The following HCRTR2 variants were observed in gnomAD, a reference collection of about 807,000 sequenced individuals.
The protein encoded by HCRTR2 is orexin receptor type 2.
HCRTR2 carries 22 observed loss-of-function variants against 49.0 expected under a neutral mutation model. The ratio of observed to expected loss-of-function variants is 0.45; its 90% confidence interval spans 0.32 to 0.64. The LOEUF (loss-of-function observed/expected upper bound fraction) is 0.64, where lower values mean the gene tolerates loss of function less well. Among genes scored for constraint, HCRTR2 ranks in the 30% least tolerant of loss-of-function variants. HCRTR2 has a pLI of 0.04. For missense variants in HCRTR2, 491 were observed against 559.4 expected, an observed-to-expected ratio of 0.88 and a Z score of 1.23; for synonymous variants, 236 against 205.3, an observed-to-expected ratio of 1.15 and a Z score of -1.28.
At chr6:55,185,072 C>G (rs1765194691) in intron 1 of HCRTR2, among the ~76,000 whole-genome samples, 1 of 152,054 alleles carries the variant, frequency 6.6e-6, no homozygotes, top group South Asian at 2.1e-4. Flanking sequence ...GCTTAAGAAA[C>G]CATTTTGTTA....
chr6:55,211,406 C>G (rs1765694035), intron 1 of HCRTR2, among the ~76,000 whole-genome samples: 1 of 152,134 alleles, frequency 6.6e-6, no homozygotes, highest in Non-Finnish European at 1.5e-5. Context: ...ACTGTTAAGG[C>G]AACTTGGAAT....
At chr6:55,240,467 C>T (rs1454952119) in intron 1 of HCRTR2, among the ~76,000 whole-genome samples, 2 of 151,880 alleles carry the variant, frequency 1.3e-5, no homozygotes, top group Non-Finnish European at 2.9e-5. Flanking sequence ...GTCCTCCATC[C>T]GTCAGCGTTG....
chr6:55,280,193 C>CCTTG (rs1767161508), intron 5 of HCRTR2, 130 bp from the exon 6 acceptor site: 1 of 671,312 alleles, frequency 1.5e-6, no homozygotes, highest in African/African-American at 1.8e-5. Context: ...ATTATGGGGT[C>CCTTG]AGAAACCAAT....
chr6:55,266,926 C>A (rs1766870989), intron 4 of HCRTR2, among the ~76,000 whole-genome samples: 1 of 152,194 alleles, frequency 6.6e-6, no homozygotes, highest in South Asian at 2.1e-4. Context: ...CATAAATAAT[C>A]CACATTCTTT....
chr6:55,183,201 T>G (rs1273419968), intron 1 of HCRTR2, among the ~76,000 whole-genome samples: 1 of 152,168 alleles, frequency 6.6e-6, no homozygotes, highest in Non-Finnish European at 1.5e-5. Context: ...TTGCACAGAA[T>G]GTAGTGGAAG....
At chr6:55,229,529 C>T (rs1766074434) in intron 1 of HCRTR2, among the ~76,000 whole-genome samples, 1 of 152,136 alleles carries the variant, frequency 6.6e-6, no homozygotes, top group African/African-American at 2.4e-5. Context: ...ATGGTCTACA[C>T]ATACAATGGA....
chr6:55,201,527 G>C (rs997465513), intron 1 of HCRTR2, among the ~76,000 whole-genome samples: 1 of 152,062 alleles, frequency 6.6e-6, no homozygotes, highest in Non-Finnish European at 1.5e-5. Context: ...AAAAAACTAA[G>C]GGATTTTTTC....
intron 1 of HCRTR2, among the ~76,000 whole-genome samples, chr6:55,202,747 A>C (rs895493647): frequency 2.5e-4 from 24 of 94,154 alleles, no homozygotes; most frequent in African/African-American, 1.2e-3. Flanking sequence ...ATTAGGGATT[A>C]GGTTTCAACA....
intron 1 of HCRTR2, among the ~76,000 whole-genome samples, chr6:55,214,599 C>T (rs1293517185): frequency 2.6e-5 from 4 of 151,842 alleles, no homozygotes; most frequent in African/African-American, 7.3e-5. Flanking sequence ...ACTCAGCCTC[C>T]CAAATCATTG....
intron 1 of HCRTR2, among the ~76,000 whole-genome samples, chr6:55,119,953 T>C (rs747013647): frequency 6.6e-6 from 1 of 152,082 alleles, no homozygotes; most frequent in East Asian, 1.9e-4. Context: ...TTGTATAAGG[T>C]ATAAGGAAGG....
At chr6:55,149,775 T>C (rs1190708842) in intron 1 of HCRTR2, among the ~76,000 whole-genome samples, 1 of 152,048 alleles carries the variant, frequency 6.6e-6, no homozygotes, top group Non-Finnish European at 1.5e-5. Flanking sequence ...TACATCTGTA[T>C]AAAATGTGAA....
intron 1 of HCRTR2, among the ~76,000 whole-genome samples, chr6:55,109,005 C>T (rs1038253801): frequency 1.8e-4 from 27 of 152,218 alleles, no homozygotes; most frequent in African/African-American, 4.3e-4. Context: ...CACTCCCCTC[C>T]TGCTACCTCC....
chr6:55,225,621 A>G (rs1765989818), intron 1 of HCRTR2, among the ~76,000 whole-genome samples: 1 of 152,208 alleles, frequency 6.6e-6, no homozygotes, highest in African/African-American at 2.4e-5. Context: ...TCATTCATTC[A>G]ACAATAATCA....
At chr6:55,188,570 T>G (rs1486485984) in intron 1 of HCRTR2, among the ~76,000 whole-genome samples, 1 of 152,240 alleles carries the variant, frequency 6.6e-6, no homozygotes, top group Non-Finnish European at 1.5e-5. Flanking sequence ...ACCAACGCAC[T>G]GACTTTCTAG....
chr6:55,263,956 C>A, intron 4 of HCRTR2, 134 bp downstream of exon 4: 3 of 686,692 alleles, frequency 4.4e-6, no homozygotes, highest in Non-Finnish European at 7.9e-6. Flanking sequence ...TGCATTGAAC[C>A]AATATAACAT....
chr6:55,174,156 AC>A (rs1344207337), upstream of HCRTR2: 4 of 201,140 alleles, frequency 2.0e-5, no homozygotes, highest in East Asian at 1.4e-4. Flanking sequence ...CTCACCCCCC[AC>A]CCCCCAAAAA....
chr6:55,194,634 A>G (rs1765378559), intron 1 of HCRTR2, among the ~76,000 whole-genome samples: 1 of 152,134 alleles, frequency 6.6e-6, no homozygotes, highest in Non-Finnish European at 1.5e-5. Flanking sequence ...TGATTTTCTA[A>G]TAAACATGAT....
At chr6:55,116,410 A>C (rs1764117169) in intron 1 of HCRTR2, among the ~76,000 whole-genome samples, 1 of 151,546 alleles carries the variant, frequency 6.6e-6, no homozygotes, top group Non-Finnish European at 1.5e-5. Flanking sequence ...TTTTAGTTTT[A>C]AAAAATACTA....
intron 1 of HCRTR2, among the ~76,000 whole-genome samples, chr6:55,185,563 T>C (rs1436621304): frequency 6.6e-6 from 1 of 152,210 alleles, no homozygotes; most frequent in East Asian, 1.9e-4. Flanking sequence ...TTGGATGATA[T>C]GAATAATATA....
Sources: gnomAD v4.1 joint callset for allele counts (sites outside exome capture counted in the v4.1 genomes callset) on GRCh38, gnomAD v4.1.1 for gene constraint, MANE v1.5 for transcripts, NCBI Gene and HGNC (gene_info 2026-07-23, HGNC 2026-07-21) for gene names.